Variants in ZNF384 observed in about 807,000 individuals in gnomAD.
The protein encoded by ZNF384 is zinc finger protein 384.
In ZNF384, 20 loss-of-function variants were observed where a neutral mutation model predicts 65.0. That is an observed-to-expected ratio of 0.31 (90% CI 0.22 to 0.45). ZNF384 has a LOEUF of 0.45. Among genes scored for constraint, ZNF384 ranks in the 20% least tolerant of loss-of-function variants. The pLI is 1.00. For synonymous variants in ZNF384, 310 were observed against 303.9 expected, an observed-to-expected ratio of 1.02 and a Z score of -0.21; for missense variants, 549 against 769.4, an observed-to-expected ratio of 0.71 and a Z score of 3.39.
Position 6,667,649 on chromosome 12 carries a change from A to C in ZNF384, c.*65T>G, listed in dbSNP as rs899045690. 3 of 1,607,758 alleles carry C rather than the reference A, an allele frequency of 1.9e-6. No individual in the cohort carries two copies. The highest frequency in any genetic ancestry group is 1.1e-5 in the South Asian group (1 of 90,818). On this transcript the variant is annotated 3_prime_UTR_variant, in exon 12 of 12. Transcript: ENST00000683879. ...AGGAAGAAAAGGACTTTTCCCACCA[A>C]GAGTTGGAGAAAGAAGACACCAGGA...
rs1315112840 is a variant in ZNF384 at position 6,666,698 on chromosome 12, A to G, written c.*1016T>C. On this transcript the variant is annotated 3_prime_UTR_variant, in exon 12 of 12. Coordinates refer to ENST00000683879, the MANE Select transcript of ZNF384 (RefSeq NM_001385745.1). Reference sequence around the variant, plus strand: ...CTAGAGGACAGGGGTGGAGAGAGGGAAAAAAAGGACAAAAATAAACAAAAC... The same window carrying G: ...CTAGAGGACAGGGGTGGAGAGAGGGGAAAAAAGGACAAAAATAAACAAAAC... 5.9e-6 allele frequency: 1 copy of G among 169,322 alleles called. No individual in the cohort carries two copies. Among genetic ancestry groups the G allele is most frequent in the Non-Finnish European group, 1.3e-5 (1 of 78,280 alleles). The allele number at this position is 169,322 out of a possible 1,614,324, so 10.5% of individuals were successfully genotyped here. A position where few individuals can be genotyped will look rare whatever the true frequency, so the allele number is the denominator to read the frequency against.
At position 6,678,889 on chromosome 12, in the gene ZNF384, G is replaced by C; in HGVS notation, c.304+57C>G. The C allele has an allele frequency of 6.4e-7, 1 of 1,570,524 alleles. No homozygotes were observed. The highest frequency in any genetic ancestry group is 8.7e-7 in the Non-Finnish European group (1 of 1,143,550). On this transcript the variant is annotated intron_variant, in intron 4 of 11. Transcript: ENST00000683879. The surrounding 1 kb of genome is among the most constrained non-coding windows in gnomAD (Gnocchi z 4.9). ...CCATGTCCTTGGAGCCCTCCAGCCT[G>C]GGGTACTGATCATGGAAGATCAACA...
At chr12:6,670,863 G>T in intron 9 of ZNF384, 25 bp from the exon 10 acceptor site, 2 of 1,606,642 alleles carry the variant, frequency 1.2e-6, no homozygotes, top group Non-Finnish European at 1.7e-6. Flanking sequence ...AGAAAAAAGG[G>T]AAAGAATGTC....
rs770902443 is a variant in ZNF384 at position 6,672,316 on chromosome 12, G to A, written c.1187+34C>T. 2.0e-5 allele frequency: 32 copies of A among 1,596,092 alleles called. No individual in the cohort carries two copies. Among genetic ancestry groups the A allele is most frequent in the Admixed American group, 6.8e-5 (4 of 58,854 alleles). Reference sequence around the variant, plus strand: ...GCGGGGGTGGGGAGGGCATGCCAGCGGGGCGGGGTCAGTAGCCCGCCACTC... The same window carrying A: ...GCGGGGGTGGGGAGGGCATGCCAGCAGGGCGGGGTCAGTAGCCCGCCACTC... On this transcript the variant is annotated intron_variant, in intron 9 of 11. Coordinates refer to ENST00000683879, the MANE Select transcript of ZNF384 (RefSeq NM_001385745.1). The surrounding 1 kb of genome is among the most constrained non-coding windows in gnomAD (Gnocchi z 4.4).
intron 3 of ZNF384, 126 bp downstream of exon 3, chr12:6,679,329 C>A: frequency 8.2e-7 from 1 of 1,212,886 alleles, no homozygotes; most frequent in Non-Finnish European, 1.2e-6. Context: ...GAAGCCCAGG[C>A]AGAAACACTA....
rs3835029 is a variant in ZNF384 at position 6,667,903 on chromosome 12, T to TTGCTGCTGCTGCTGCTGCTGC, written c.1617_1637dup (p.Gln541_Gln547dup). The TTGCTGCTGCTGCTGCTGCTGC allele has an allele frequency of 1.4e-5, 22 of 1,547,600 alleles. No individual in the cohort carries two copies. The highest frequency in any genetic ancestry group is 2.3e-5 in the East Asian group (1 of 43,638). The stretch of plus-strand genomic sequence containing the variant: ...GAGACTGGAAGTGTGGTGGTGGCTG[T>TTGCTGCTGCTGCTGCTGCTGC]TGCTGCTGCTGCTGCTGCTGCTGCT... On this transcript the variant is annotated inframe_insertion, in exon 12 of 12. Coordinates refer to ENST00000683879, the MANE Select transcript of ZNF384 (RefSeq NM_001385745.1).
At position 6,678,817 on chromosome 12, in the gene ZNF384, G is replaced by C; in HGVS notation, c.305-107C>G. Reference sequence around the variant, plus strand: ...TAGCACATTGCTAGGCACACAGTAGGCACTTAATAAAAATTTGATTGAATA... The same window carrying C: ...TAGCACATTGCTAGGCACACAGTAGCCACTTAATAAAAATTTGATTGAATA... On this transcript the variant is annotated intron_variant, in intron 4 of 11. Coordinates refer to ENST00000683879, the MANE Select transcript of ZNF384 (RefSeq NM_001385745.1). The surrounding 1 kb of genome is among the most constrained non-coding windows in gnomAD (Gnocchi z 4.9). 1 of 1,469,404 alleles carries C rather than the reference G, an allele frequency of 6.8e-7. No individual in the cohort carries two copies. The highest frequency in any genetic ancestry group is 9.5e-7 in the Non-Finnish European group (1 of 1,055,726). The allele number at this position is 1,469,404 out of a possible 1,614,324, so 91.0% of individuals were successfully genotyped here.
Position 6,666,817 on chromosome 12 carries a change from A to G in ZNF384, c.*897T>C, listed in dbSNP as rs1269170480. On this transcript the variant is annotated 3_prime_UTR_variant, in exon 12 of 12. Transcript: ENST00000683879. The stretch of plus-strand genomic sequence containing the variant: ...TGATGAGTGAGTATAATATATTTAT[A>G]TATATATATTTATATATAAATCCGT... 1 of 169,314 alleles carries G rather than the reference A, an allele frequency of 5.9e-6. No homozygotes were observed. Among genetic ancestry groups the G allele is most frequent in the East Asian group, 1.1e-4 (1 of 8,932 alleles). 10.5% of individuals were successfully genotyped at this position (169,314 alleles called of 1,614,324 possible). A position where few individuals can be genotyped will look rare whatever the true frequency, so the allele number is the denominator to read the frequency against.
At chr12:6,674,483 G>A (rs1952736534) in intron 7 of ZNF384, among the ~76,000 whole-genome samples, 1 of 151,968 alleles carries the variant, frequency 6.6e-6, no homozygotes, top group South Asian at 2.1e-4. Flanking sequence ...TCTTCTTTGG[G>A]TTCTCCCTAA....
Position 6,673,218 on chromosome 12 carries a change from G to A in ZNF384, c.1002C>T (p.Thr334=), listed in dbSNP as rs1002629421. ...GGGTAAACCAAGAGCAGCCTTACCG[G>A]GTGTGCTGCTGAAGGTGGGAGAGCT... is the stretch of plus-strand genomic sequence containing the variant. ...FRQLSHLQQH[T]RIHSKMHTET... The change falls in exon 8 of 12, where the codon ACC becomes ACT. Residue 334 remains threonine, a splice_region_variant and synonymous_variant. Transcript: ENST00000683879. The surrounding 1 kb of genome is among the most constrained non-coding windows in gnomAD (Gnocchi z 4.7). 1 of 1,613,610 alleles carries A rather than the reference G, an allele frequency of 6.2e-7. No homozygotes were observed. Among genetic ancestry groups the A allele is most frequent in the Admixed American group, 1.7e-5 (1 of 59,942 alleles).
rs1402699112 is a variant in ZNF384, at chr12:6,677,212, A to T, written c.734T>A (p.Met245Lys). Residue 245 changes from methionine to lysine, a missense_variant, in exon 7 of 12, where the codon ATG becomes AAG. Transcript: ENST00000683879. ...GTGNGQSLGLMDSVPGSTTNL... is the reference protein window; with the variant it reads ...GTGNGQSLGLKDSVPGSTTNL... ...CGTGGTGGAGCCGGGAACTGAATCCATGAGCCCAAGGCTCTGTCCATTTCC... is the reference window on the plus strand; with the variant it reads ...CGTGGTGGAGCCGGGAACTGAATCCTTGAGCCCAAGGCTCTGTCCATTTCC... The T allele has an allele frequency of 7.7e-7, 1 of 1,294,626 alleles. No individual in the cohort carries two copies. Among genetic ancestry groups the T allele is most frequent in the Non-Finnish European group, 1.0e-6 (1 of 985,016 alleles). The allele number at this position is 1,294,626 out of a possible 1,614,324, so 80.2% of individuals were successfully genotyped here.
In ZNF384 at chr12:6,673,431, C is replaced by T. The variant is rs752726994; in HGVS notation, c.789G>A (p.Met263Ile). 2 of 1,613,882 alleles carry T rather than the reference C, an allele frequency of 1.2e-6. No individual in the cohort carries two copies. Among genetic ancestry groups the T allele is most frequent in the East Asian group, 2.2e-5 (1 of 44,886 alleles). The change falls in exon 8 of 12, where the codon ATG becomes ATA. Residue 263 changes from methionine to isoleucine, a missense_variant. Physicochemically the swap from Met to Ile is conservative, Grantham distance 10 (BLOSUM62 1). Coordinates refer to ENST00000683879, the MANE Select transcript of ZNF384 (RefSeq NM_001385745.1). This position sits in a 1 kb window ranked among gnomAD's most constrained non-coding sequence, Gnocchi z 4.7. ...TNLLCDPGCR[M>I]CSLTFYSKSE... ...ACTTGGAGTAGAATGTCAGTGAGCA[C>T]ATCCGGCACCTGAGCCAAGTGAGGG... is the stretch of plus-strand genomic sequence containing the variant.
chr12:6,676,698 G>A (rs921476874), intron 7 of ZNF384, among the ~76,000 whole-genome samples: 15 of 152,106 alleles, frequency 9.9e-5, no homozygotes, highest in African/African-American at 3.4e-4. Flanking sequence ...TAAAAATCTA[G>A]ATTTCTATAC....
Position 6,667,470 on chromosome 12 carries a change from G to A in ZNF384, c.*244C>T. ...ACCCCCAGTTTTAGAAGCTTTGCTT[G>A]GGAGGGGAGGCTGCTGGATGACACC... On this transcript the variant is annotated 3_prime_UTR_variant, in exon 12 of 12. Transcript: ENST00000683879. 1 of 612,102 alleles carries A rather than the reference G, an allele frequency of 1.6e-6. No homozygotes were observed. Among genetic ancestry groups the A allele is most frequent in the Non-Finnish European group, 2.9e-6 (1 of 344,006 alleles). The allele number at this position is 612,102 out of a possible 1,614,324, so 37.9% of individuals were successfully genotyped here.
chr12:6,667,450 C>T lies in ZNF384; in HGVS notation c.*264G>A. ...AATCCTTCCCTTGAGCACCGACCCC[C>T]AGTTTTAGAAGCTTTGCTTGGGAGG... On this transcript the variant is annotated 3_prime_UTR_variant, in exon 12 of 12. Coordinates refer to ENST00000683879, the MANE Select transcript of ZNF384 (RefSeq NM_001385745.1). 1.7e-6 allele frequency: 1 copy of T among 581,536 alleles called. No individual in the cohort carries two copies. The highest frequency in any genetic ancestry group is 3.1e-6 in the Non-Finnish European group (1 of 325,684). 36.0% of individuals were successfully genotyped at this position (581,536 alleles called of 1,614,324 possible). A position where few individuals can be genotyped will look rare whatever the true frequency, so the allele number is the denominator to read the frequency against.
chr12:6,669,531 ACT>A (rs1565422397), intron 10 of ZNF384, among the ~76,000 whole-genome samples: 1 of 146,850 alleles, frequency 6.8e-6, no homozygotes. Flanking sequence ...GAAGTCTCTC[ACT>A]CTGTCGCTCA....
intron 2 of ZNF384, among the ~76,000 whole-genome samples, chr12:6,687,006 A>G (rs1288804116): frequency 6.6e-6 from 1 of 152,224 alleles, no homozygotes; most frequent in African/African-American, 2.4e-5. Flanking sequence ...CAACTGCAGA[A>G]AGGTTACCTT....
chr12:6,679,169 C>G lies in ZNF384; in HGVS notation c.81G>C (p.Met27Ile). The G allele has an allele frequency of 6.3e-7, 1 of 1,585,018 alleles. No homozygotes were observed. The highest frequency in any genetic ancestry group is 8.6e-7 in the Non-Finnish European group (1 of 1,163,598). ...GCTGATCCTTCATCTTGTTGATGAA[C>G]ATTGTGTTCTCGATCTAAGAGAAAA... Reference protein sequence around the residue: ...PTVSGQIENTMFINKMKDQLL... With the variant: ...PTVSGQIENTIFINKMKDQLL... The change falls in exon 4 of 12, where the codon ATG (methionine) becomes ATC (isoleucine). Residue 27 changes from methionine (M) to isoleucine (I), a missense_variant. Coordinates refer to ENST00000683879, the MANE Select transcript of ZNF384 (RefSeq NM_001385745.1).
Position 6,678,743 on chromosome 12 carries a change from T to C in ZNF384, c.305-33A>G. On this transcript the variant is annotated intron_variant, in intron 4 of 11. Coordinates refer to ENST00000683879, the MANE Select transcript of ZNF384 (RefSeq NM_001385745.1). The surrounding 1 kb of genome is among the most constrained non-coding windows in gnomAD (Gnocchi z 4.9). ...CAGAGAAGGAAAGAATGTCACCTCC[T>C]CAAAGGCAGGGACCGCATCTTCTAC... 6.2e-7 allele frequency: 1 copy of C among 1,611,502 alleles called. No homozygotes were observed. Among genetic ancestry groups the C allele is most frequent in the Non-Finnish European group, 8.5e-7 (1 of 1,177,682 alleles).
Sources: gnomAD v4.1 joint callset for allele counts (sites outside exome capture counted in the v4.1 genomes callset) on GRCh38, gnomAD v4.1.1 for gene constraint, Gnocchi (gnomAD v3.1) non-coding constraint, MANE v1.5 for transcripts, NCBI Gene and HGNC (gene_info 2026-07-23, HGNC 2026-07-21) for gene names.